Variants in ARID1B observed in about 807,000 individuals in gnomAD.
ARID1B encodes AT-rich interactive domain-containing protein 1B.
Under a neutral mutation model 212.3 loss-of-function variants are expected in ARID1B, and 30 were observed. The observed-to-expected ratio is 0.14, with a 90% CI of 0.11 to 0.19. ARID1B has a LOEUF of 0.19. Among genes scored for constraint, ARID1B ranks in the 10% least tolerant of loss-of-function variants. The pLI is 1.00. For synonymous variants in ARID1B, 1,402 were observed against 1,301.7 expected, an observed-to-expected ratio of 1.08 and a Z score of -1.66; for missense variants, 2,891 against 3,204.0, an observed-to-expected ratio of 0.90 and a Z score of 2.36.
chr6:156,960,723 A>G (rs964524955), intron 4 of ARID1B, among the ~76,000 whole-genome samples: 8 of 152,334 alleles, frequency 5.3e-5, no homozygotes, highest in African/African-American at 9.6e-5. Flanking sequence ...ACTCTCTGCA[A>G]TAAAAAACAA....
intron 4 of ARID1B, among the ~76,000 whole-genome samples, chr6:156,980,175 A>G (rs182755838): frequency 1.1e-3 from 173 of 152,276 alleles, no homozygotes; most frequent in Non-Finnish European, 1.2e-3. Flanking sequence ...TAATTTGCTA[A>G]GTATATGTGG....
intron 2 of ARID1B, among the ~76,000 whole-genome samples, chr6:156,851,208 A>C (rs548651056): frequency 1.3e-5 from 2 of 152,134 alleles, no homozygotes; most frequent in African/African-American, 4.8e-5. Context: ...CCCTGCAAGC[A>C]CTAGGGGCTG....
At chr6:157,032,856 C>T (rs1468969926) in intron 4 of ARID1B, among the ~76,000 whole-genome samples, 1 of 152,140 alleles carries the variant, frequency 6.6e-6, no homozygotes, top group Admixed American at 6.5e-5. Context: ...TGGTAGCTTA[C>T]TGTGCACACC....
intron 4 of ARID1B, among the ~76,000 whole-genome samples, chr6:157,005,051 TACAG>T (rs1234038536): frequency 6.6e-6 from 1 of 151,864 alleles, no homozygotes; most frequent in Non-Finnish European, 1.5e-5. Flanking sequence ...TAGCTAGGAC[TACAG>T]GTGTGCACCA....
chr6:157,103,983 C>T (rs551963665), intron 5 of ARID1B, among the ~76,000 whole-genome samples: 2 of 151,986 alleles, frequency 1.3e-5, no homozygotes, highest in East Asian at 1.9e-4. Flanking sequence ...TTACAGGCAC[C>T]TGCCACCATG....
intron 7 of ARID1B, among the ~76,000 whole-genome samples, chr6:157,146,481 C>A (rs1400533859): frequency 1.3e-5 from 2 of 152,176 alleles, no homozygotes; most frequent in African/African-American, 4.8e-5. Flanking sequence ...CTCCACCAAC[C>A]CCCACCAAGG....
intron 2 of ARID1B, among the ~76,000 whole-genome samples, chr6:156,894,303 G>GGCCGGGGGGGTTGGGATGGGT (rs1788211435): frequency 6.8e-6 from 1 of 146,980 alleles, no homozygotes. Flanking sequence ...TTGGGATGGG[G>GGCCGGGGGGGTTGGGATGGGT]GCCGGGGGTT....
intron 8 of ARID1B, among the ~76,000 whole-genome samples, chr6:157,153,137 C>A (rs1314964313): frequency 6.6e-6 from 1 of 152,136 alleles, no homozygotes; most frequent in Non-Finnish European, 1.5e-5. Context: ...TTATTAATTT[C>A]TTTGAGAGTG....
At chr6:156,814,382 C>T (rs1781819976) in intron 1 of ARID1B, among the ~76,000 whole-genome samples, 3 of 152,130 alleles carry the variant, frequency 2.0e-5, no homozygotes, top group Admixed American at 1.3e-4. Flanking sequence ...GTCTGGGTGA[C>T]AGAGTGAGAG....
At chr6:156,819,132 A>G (rs1583099057) in intron 1 of ARID1B, among the ~76,000 whole-genome samples, 1 of 152,320 alleles carries the variant, frequency 6.6e-6, no homozygotes, top group Non-Finnish European at 1.5e-5. Context: ...ACATAGTCTC[A>G]CAAAAGCTTC....
chr6:156,971,897 A>G (rs1776956993), intron 4 of ARID1B, among the ~76,000 whole-genome samples: 1 of 152,158 alleles, frequency 6.6e-6, no homozygotes, highest in Non-Finnish European at 1.5e-5. Context: ...CCTTTGCTGT[A>G]TAACATGGTT....
chr6:156,856,692 TCTCTCTCTCACACA>T (rs1213996434), intron 2 of ARID1B, among the ~76,000 whole-genome samples: 1 of 83,402 alleles, frequency 1.2e-5, no homozygotes, highest in African/African-American at 4.7e-5. Context: ...TCTCTCTCTC[TCTCTCTCTCACACA>T]CACACACACA....
chr6:156,937,581 T>G (rs1444364098), intron 4 of ARID1B: 2 of 152,212 alleles, frequency 1.3e-5, no homozygotes, highest in Non-Finnish European at 2.9e-5. Flanking sequence ...ATTGGATGGT[T>G]GACATTCAGC....
At chr6:156,962,035 C>T (rs1484294866) in intron 4 of ARID1B, among the ~76,000 whole-genome samples, 1 of 152,034 alleles carries the variant, frequency 6.6e-6, no homozygotes, top group Non-Finnish European at 1.5e-5. Flanking sequence ...CGCGGTGGCT[C>T]ACACCTGTAA....
chr6:156,912,867 C>A (rs1050306334), intron 3 of ARID1B, among the ~76,000 whole-genome samples: 5 of 152,170 alleles, frequency 3.3e-5, no homozygotes, highest in African/African-American at 1.2e-4. Flanking sequence ...TTTCTCCCAC[C>A]CCAAACAAAA....
intron 2 of ARID1B, among the ~76,000 whole-genome samples, chr6:156,868,547 C>T (rs919014467): frequency 1.2e-4 from 19 of 152,304 alleles, no homozygotes; most frequent in African/African-American, 3.4e-4. Flanking sequence ...TTCCTGGTTC[C>T]GGGACTGTGC....
intron 4 of ARID1B, among the ~76,000 whole-genome samples, chr6:156,988,935 A>G (rs1778104576): frequency 1.3e-5 from 2 of 152,132 alleles, no homozygotes; most frequent in African/African-American, 4.8e-5. Flanking sequence ...CCATAAAAAT[A>G]ATTTCTCATT....
At chr6:156,797,169 CT>C (rs1348547303) in intron 1 of ARID1B, among the ~76,000 whole-genome samples, 2 of 151,162 alleles carry the variant, frequency 1.3e-5, no homozygotes, top group Non-Finnish European at 1.5e-5. Flanking sequence ...GCAGAGTGTT[CT>C]AGGGGCTGGG....
At chr6:156,801,084 T>G (rs1379160312) in intron 1 of ARID1B, among the ~76,000 whole-genome samples, 1 of 152,152 alleles carries the variant, frequency 6.6e-6, no homozygotes, top group Non-Finnish European at 1.5e-5. Context: ...TTGCATCTTG[T>G]AGTATTTATA....
Sources: gnomAD v4.1 joint callset for allele counts (sites outside exome capture counted in the v4.1 genomes callset) on GRCh38, gnomAD v4.1.1 for gene constraint, MANE v1.5 for transcripts, NCBI Gene and HGNC (gene_info 2026-07-23, HGNC 2026-07-21) for gene names.